The following PIK3CD variants were observed in gnomAD, a reference collection of about 807,000 sequenced individuals.
PIK3CD encodes the protein phosphatidylinositol-4,5-bisphosphate 3-kinase catalytic subunit delta, also known as phosphatidylinositol 4,5-bisphosphate 3-kinase catalytic subunit delta isoform.
In PIK3CD, 20 loss-of-function variants were observed where a neutral mutation model predicts 122.9. The observed-to-expected ratio is 0.16, with a 90% CI of 0.11 to 0.24. PIK3CD has a LOEUF of 0.24. Ranked by LOEUF, PIK3CD falls within the 10% of genes least tolerant of loss-of-function variation. The pLI is 1.00. For synonymous variants in PIK3CD, 596 were observed against 593.4 expected, an observed-to-expected ratio of 1.00 and a Z score of -0.06; for missense variants, 787 against 1,406.3, an observed-to-expected ratio of 0.56 and a Z score of 7.04.
chr1:9,713,694 G>A (rs567471409), intron 3 of PIK3CD, among the ~76,000 whole-genome samples: 79 of 152,096 alleles, frequency 5.2e-4, no homozygotes, highest in African/African-American at 1.8e-3. Flanking sequence ...GGGCCCAAGC[G>A]ATCTTCCCAT....
intron 15 of PIK3CD, 69 bp downstream of exon 15, chr1:9,721,656 G>T: frequency 6.2e-7 from 1 of 1,608,774 alleles, no homozygotes; most frequent in South Asian, 1.1e-5. Context: ...GGCCACTGGG[G>T]ACGTTTCCAG....
intron 2 of PIK3CD, among the ~76,000 whole-genome samples, chr1:9,708,867 A>G (rs1276416467): frequency 9.9e-5 from 15 of 152,084 alleles, no homozygotes; most frequent in Admixed American, 6.6e-4. Flanking sequence ...ATGTATGGAA[A>G]TGATAAACAA....
Position 9,724,956 on chromosome 1 carries a change from CTG to C in PIK3CD, c.2997+21_2997+22del, listed in dbSNP as rs1332598245. On this transcript the variant is annotated intron_variant, in intron 23 of 23. Transcript: ENST00000377346. The surrounding 1 kb of genome is among the most constrained non-coding windows in gnomAD (Gnocchi z 7.3). ...CTCAAGGTATGTGCCGGGCAGGAGA[CTG>C]CTGTCGCCAGTGGACTTCCAAGGCC... 1 of 1,613,204 alleles carries C rather than the reference CTG, an allele frequency of 6.2e-7. No individual in the cohort carries two copies. The highest frequency in any genetic ancestry group is 1.3e-5 in the African/African-American group (1 of 75,074).
intron 1 of PIK3CD, among the ~76,000 whole-genome samples, chr1:9,659,934 A>G (rs1190055208): frequency 1.3e-5 from 2 of 151,942 alleles, no homozygotes; most frequent in East Asian, 3.9e-4. Context: ...TATTTTTTTG[A>G]GACGGATTTT....
chr1:9,724,385 A>G lies in PIK3CD; in HGVS notation c.2828A>G (p.Gln943Arg). Residue 943 changes from glutamine (Q) to arginine (R), a missense_variant, in exon 22 of 24, where the codon CAG (glutamine) becomes CGG (arginine). Transcript: ENST00000377346. The surrounding 1 kb of genome is among the most constrained non-coding windows in gnomAD (Gnocchi z 7.3). ...ACCTACGACTTTGTCCATGTGATTC[A>G]GCAGGGGAAGACTAATAATAGTGAG... The part of the protein sequence containing the change: ...ILTYDFVHVI[Q>R]QGKTNNSEKF... 6.2e-7 allele frequency: 1 copy of G among 1,614,124 alleles called. No homozygotes were observed. Among genetic ancestry groups the G allele is most frequent in the Non-Finnish European group, 8.5e-7 (1 of 1,180,014 alleles).
At chr1:9,678,153 A>T (rs964691825) in intron 1 of PIK3CD, among the ~76,000 whole-genome samples, 1 of 151,908 alleles carries the variant, frequency 6.6e-6, no homozygotes, top group Non-Finnish European at 1.5e-5. Flanking sequence ...TCAAAAAAAA[A>T]AAAAACAAAA....
chr1:9,643,552 C>T, the PIK3CD span, among the ~76,000 whole-genome samples: 1 of 152,102 alleles, frequency 6.6e-6, no homozygotes, highest in Non-Finnish European at 1.5e-5. Context: ...AGAGCAGAAA[C>T]ATCCAATCCT....
chr1:9,692,861 A>G (rs1046057742), intron 2 of PIK3CD, among the ~76,000 whole-genome samples: 6 of 152,014 alleles, frequency 3.9e-5, no homozygotes, highest in African/African-American at 1.4e-4. Flanking sequence ...ACTCCCACCT[A>G]CCTCTGAAGG....
chr1:9,720,295 G>A lies in PIK3CD; in HGVS notation c.1470+53G>A. ...TGAGGGGCTGGCGCGGAGCTCTCCTGGCCCTGCTCCTGGAGCTCTTCAGAG... is the reference window on the plus strand; with the variant it reads ...TGAGGGGCTGGCGCGGAGCTCTCCTAGCCCTGCTCCTGGAGCTCTTCAGAG... On this transcript the variant is annotated intron_variant, in intron 11 of 23. Coordinates refer to ENST00000377346, the MANE Select transcript of PIK3CD (RefSeq NM_005026.5). This position sits in a 1 kb window ranked among gnomAD's most constrained non-coding sequence, Gnocchi z 9.0. 3.8e-6 allele frequency: 6 copies of A among 1,571,010 alleles called. No homozygotes were observed. Among genetic ancestry groups the A allele is most frequent in the Non-Finnish European group, 5.2e-6 (6 of 1,154,718 alleles).
chr1:9,658,999 A>T lies in PIK3CD; in HGVS notation c.-138+7197A>T, dbSNP rs1438389763. Among the ~76,000 whole-genome samples, 6 of 152,168 alleles carry T rather than the reference A, an allele frequency of 3.9e-5. No homozygotes were observed. The East Asian group carries it at 1.2e-3, about 29-fold the overall frequency. On this transcript the variant is annotated intron_variant, in intron 1 of 23. Coordinates refer to ENST00000377346, the MANE Select transcript of PIK3CD (RefSeq NM_005026.5). Reference sequence around the variant, plus strand: ...CTGCAAAGGAGCTGGTGTGGAGTGGATTAGAAACAGAAGTCATGTATCATC... The same window carrying T: ...CTGCAAAGGAGCTGGTGTGGAGTGGTTTAGAAACAGAAGTCATGTATCATC...
chr1:9,646,447 A>G, the PIK3CD span, among the ~76,000 whole-genome samples: 9 of 152,226 alleles, frequency 5.9e-5, no homozygotes, highest in Non-Finnish European at 8.8e-5. Context: ...TGGCTTACCC[A>G]GAATCTTTGA....
Position 9,724,759 on chromosome 1 carries a change from G to A in PIK3CD, c.2865-45G>A, listed in dbSNP as rs759868167. 2 of 1,611,542 alleles carry A rather than the reference G, an allele frequency of 1.2e-6. No homozygotes were observed. The highest frequency in any genetic ancestry group is 3.3e-5 in the Admixed American group (2 of 60,030). On this transcript the variant is annotated intron_variant, in intron 22 of 23. Transcript: ENST00000377346. The surrounding 1 kb of genome is among the most constrained non-coding windows in gnomAD (Gnocchi z 7.3). ...ATGCAGAGCGGCCCTCTGGCCTGTGGCTGGGAGTTCCCAGAGCCTCACTTC... is the reference window on the plus strand; with the variant it reads ...ATGCAGAGCGGCCCTCTGGCCTGTGACTGGGAGTTCCCAGAGCCTCACTTC...
Position 9,718,795 on chromosome 1 carries a change from G to T in PIK3CD, c.1122G>T (p.Arg374=). Residue 374 remains arginine (R), a synonymous_variant, in exon 9 of 24, where the codon CGG becomes CGT. Coordinates refer to ENST00000377346, the MANE Select transcript of PIK3CD (RefSeq NM_005026.5). This position sits in a 1 kb window ranked among gnomAD's most constrained non-coding sequence, Gnocchi z 7.2. Reference sequence around the variant, plus strand: ...GCTCGGAGCCCGTGTGGAAGCAGCGGCTGGAGTTCGACATCAACATCTGCG... The same window carrying T: ...GCTCGGAGCCCGTGTGGAAGCAGCGTCTGGAGTTCGACATCAACATCTGCG... ...SVCSEPVWKQ[R]LEFDINICDL... The T allele has an allele frequency of 1.2e-6, 2 of 1,611,856 alleles. No individual in the cohort carries two copies.
chr1:9,666,332 C>T (rs565377392), intron 1 of PIK3CD, among the ~76,000 whole-genome samples: 1 of 147,880 alleles, frequency 6.8e-6, no homozygotes, highest in Non-Finnish European at 1.5e-5. Context: ...CCTCTGCCCC[C>T]CCAGGTTCAA....
rs141774626 is a variant in PIK3CD at position 9,691,947 on chromosome 1, T to C, written c.-33+376T>C. 2.5e-3 allele frequency: 419 copies of C among 165,528 alleles called. 4 individuals are homozygous for C. Among genetic ancestry groups the C allele is most frequent in the African/African-American group, 9.4e-3 (395 of 42,072 alleles). The allele number at this position is 165,528 out of a possible 1,614,324, so 10.3% of individuals were successfully genotyped here. A position where few individuals can be genotyped will look rare whatever the true frequency, so the allele number is the denominator to read the frequency against. ...AATATTAAAAGTTTTCTGGAGGAAA[T>C]GGATTGAATTTTTATAATTCAGTGT... is the stretch of plus-strand genomic sequence containing the variant. On this transcript the variant is annotated intron_variant, in intron 2 of 23. Coordinates refer to ENST00000377346, the MANE Select transcript of PIK3CD (RefSeq NM_005026.5).
chr1:9,654,314 G>A (rs374114324), intron 1 of PIK3CD: 14 of 1,367,632 alleles, frequency 1.0e-5, no homozygotes, highest in Admixed American at 1.9e-5. Context: ...CACGCCGCCA[G>A]GTCTTTGCAC....
upstream of PIK3CD, chr1:9,651,702 G>C (rs11806839): frequency 0.52 from 79,205 of 151,482 alleles, 22,329 homozygotes; most frequent in East Asian, 0.89. Context: ...GGGCGCCCCG[G>C]CGCGCCCCGC....
At chr1:9,657,568 C>A (rs987897087) in intron 1 of PIK3CD, among the ~76,000 whole-genome samples, 2 of 152,058 alleles carry the variant, frequency 1.3e-5, no homozygotes, top group Non-Finnish European at 2.9e-5. Context: ...CACCTCACCC[C>A]CAACCTCCTG....
In PIK3CD at chr1:9,689,418, T is replaced by G. The variant is rs1217472334; in HGVS notation, c.-137-2049T>G. ...CGGGCGCTTCTCCCGGCTGGGGGTG[T>G]GAGAATTTGCCGACGGTGCCCGCGC... On this transcript the variant is annotated intron_variant, in intron 1 of 23. Coordinates refer to ENST00000377346, the MANE Select transcript of PIK3CD (RefSeq NM_005026.5). This position sits in a 1 kb window ranked among gnomAD's most constrained non-coding sequence, Gnocchi z 6.1. Among the ~76,000 whole-genome samples the G allele has an allele frequency of 1.3e-5, 2 of 150,972 alleles. No homozygotes were observed. The highest frequency in any genetic ancestry group is 3.0e-5 in the Non-Finnish European group (2 of 67,636).
Sources: allele counts gnomAD v4.1 joint callset (sites outside exome capture counted in the v4.1 genomes callset), GRCh38; gene constraint gnomAD v4.1.1; non-coding constraint Gnocchi (gnomAD v3.1); transcripts MANE v1.5; gene names NCBI Gene and HGNC (gene_info 2026-07-23, HGNC 2026-07-21).